The following TMOD2 variants were observed in gnomAD, a reference collection of about 807,000 sequenced individuals.
TMOD2 encodes tropomodulin-2.
In TMOD2, 22 loss-of-function variants were observed where a neutral mutation model predicts 39.9. That is an observed-to-expected ratio of 0.55 (90% confidence interval 0.39 to 0.79). The LOEUF (loss-of-function observed/expected upper bound fraction) is 0.79, where lower values mean the gene tolerates loss of function less well. Ranked by LOEUF, TMOD2 falls within the 30% of genes least tolerant of loss-of-function variation. The pLI is 0.00. For synonymous variants in TMOD2, 123 were observed against 146.1 expected (o/e 0.84, Z 1.14); for missense variants, 386 against 413.3 (o/e 0.93, Z 0.57).
At chr15:51,799,383 A>T (rs913084341) in intron 8 of TMOD2, among the ~76,000 whole-genome samples, 6 of 152,132 alleles carry the variant, frequency 3.9e-5, no homozygotes, top group Non-Finnish European at 7.4e-5. Flanking sequence ...GCCATCCAGG[A>T]CTGTTGCCTA....
intron 1 of TMOD2, among the ~76,000 whole-genome samples, chr15:51,755,311 C>G (rs1241192589): frequency 1.3e-5 from 2 of 152,218 alleles, no homozygotes; most frequent in Non-Finnish European, 2.9e-5. Flanking sequence ...GCACAACCTT[C>G]CTTAAAGCTG....
Position 51,763,077 on chromosome 15 carries a change from G to T in TMOD2, c.-69-3296G>T, listed in dbSNP as rs113090313. Reference sequence around the variant, plus strand: ...AACCTCCCGAATAACTGGGACTACAGGCATGTGCCACCATGCCCAGCTAAT... The same window carrying T: ...AACCTCCCGAATAACTGGGACTACATGCATGTGCCACCATGCCCAGCTAAT... On this transcript the variant is annotated intron_variant, in intron 1 of 9. Coordinates refer to ENST00000249700, the MANE Select transcript of TMOD2 (RefSeq NM_014548.4). Among the ~76,000 whole-genome samples, 758 of 150,960 alleles carry T rather than the reference G, an allele frequency of 5.0e-3. 10 individuals carry two copies. Among genetic ancestry groups the T allele is most frequent in the African/African-American group, 0.018 (723 of 40,952 alleles).
intron 1 of TMOD2, among the ~76,000 whole-genome samples, chr15:51,757,261 G>C (rs1486828275): frequency 6.6e-6 from 1 of 151,976 alleles, no homozygotes; most frequent in African/African-American, 2.4e-5. Context: ...AATTAGCTGG[G>C]CGTGGTGGCG....
chr15:51,761,309 A>G (rs925906592), intron 1 of TMOD2, among the ~76,000 whole-genome samples: 1 of 152,190 alleles, frequency 6.6e-6, no homozygotes, highest in Non-Finnish European at 1.5e-5. Context: ...CTCAGAAAAA[A>G]AAGTGGGAGA....
chr15:51,808,745 G>A lies in TMOD2; in HGVS notation c.*291G>A. 3.4e-6 allele frequency: 1 copy of A among 293,530 alleles called. No individual in the cohort carries two copies. The highest frequency in any genetic ancestry group is 6.4e-6 in the Non-Finnish European group (1 of 156,822). The allele number at this position is 293,530 out of a possible 1,614,324, so 18.2% of individuals were successfully genotyped here. On this transcript the variant is annotated 3_prime_UTR_variant, in exon 10 of 10. Transcript: ENST00000249700. Reference sequence around the variant, plus strand: ...AATTTAACCACTTTCTTATTGGGTTGTCTTGCTTTCTTACATGAACTTGTT... The same window carrying A: ...AATTTAACCACTTTCTTATTGGGTTATCTTGCTTTCTTACATGAACTTGTT...
chr15:51,755,189 G>A (rs895717671), intron 1 of TMOD2, among the ~76,000 whole-genome samples: 10 of 152,052 alleles, frequency 6.6e-5, no homozygotes, highest in African/African-American at 1.9e-4. Context: ...TTAAGGCTTC[G>A]TGGTTGTGTA....
At chr15:51,774,709 G>A (rs551558245) in intron 4 of TMOD2, among the ~76,000 whole-genome samples, 4 of 152,158 alleles carry the variant, frequency 2.6e-5, no homozygotes, top group East Asian at 1.9e-4. Context: ...AGGCGATGGC[G>A]TCACCTGGTA....
Position 51,808,483 on chromosome 15 carries a change from T to G in TMOD2, c.*29T>G. On this transcript the variant is annotated 3_prime_UTR_variant, in exon 10 of 10. Coordinates refer to ENST00000249700, the MANE Select transcript of TMOD2 (RefSeq NM_014548.4). ...TCCTTGAGGAGAAGTGAAGTTTCACTGTGGTATGGCCATTGAAAAACAAAA... is the reference window on the plus strand; with the variant it reads ...TCCTTGAGGAGAAGTGAAGTTTCACGGTGGTATGGCCATTGAAAAACAAAA... 6.2e-7 allele frequency: 1 copy of G among 1,605,926 alleles called. No homozygotes were observed. Among genetic ancestry groups the G allele is most frequent in the Middle Eastern group, 1.7e-4 (1 of 6,042 alleles).
At chr15:51,763,006 GCT>G (rs2055791723) in intron 1 of TMOD2, among the ~76,000 whole-genome samples, 1 of 152,058 alleles carries the variant, frequency 6.6e-6, no homozygotes, top group African/African-American at 2.4e-5. Flanking sequence ...TGCAATCATA[GCT>G]CACTGCATCC....
chr15:51,808,272 C>A, intron 9 of TMOD2, 148 bp from the exon 10 acceptor site: 1 of 558,468 alleles, frequency 1.8e-6, no homozygotes, highest in Non-Finnish European at 3.2e-6. Flanking sequence ...TTATCATTTC[C>A]ATTGATTGTC....
Position 51,781,162 on chromosome 15 carries a change from C to T in TMOD2, c.612C>T (p.Leu204=). 1 of 1,607,230 alleles carries T rather than the reference C, an allele frequency of 6.2e-7. No homozygotes were observed. Among genetic ancestry groups the T allele is most frequent in the Non-Finnish European group, 8.5e-7 (1 of 1,178,380 alleles). ...ATCCTAGCTTGCAAGAAGTCAACCT[C>T]AACAACATTAAGGTATTTCATTGTG... The part of the protein sequence containing the change: ...ANDPSLQEVN[L]NNIKNIPIPT... Residue 204 remains leucine, a synonymous_variant, in exon 6 of 10, where the codon CTC becomes CTT. Transcript: ENST00000249700.
intron 3 of TMOD2, among the ~76,000 whole-genome samples, chr15:51,769,607 T>C (rs2055839906): frequency 6.6e-6 from 1 of 152,202 alleles, no homozygotes; most frequent in African/African-American, 2.4e-5. Flanking sequence ...CCCGACCCTG[T>C]GCTCCCCTTG....
At chr15:51,778,507 T>TAA (rs34176952) in intron 5 of TMOD2, among the ~76,000 whole-genome samples, 47 of 138,928 alleles carry the variant, frequency 3.4e-4, no homozygotes, top group South Asian at 1.4e-3. Context: ...AATTAAAAAT[T>TAA]AAAAAAAAAA....
At chr15:51,769,633 A>G (rs1208145167) in intron 3 of TMOD2, among the ~76,000 whole-genome samples, 1 of 152,204 alleles carries the variant, frequency 6.6e-6, no homozygotes, top group Non-Finnish European at 1.5e-5. Flanking sequence ...AAGAGTGACT[A>G]TCAATAGCCT....
At chr15:51,772,467 T>C (rs1416283921) in intron 3 of TMOD2, among the ~76,000 whole-genome samples, 3 of 152,274 alleles carry the variant, frequency 2.0e-5, no homozygotes, top group African/African-American at 7.2e-5. Flanking sequence ...AACTGTGCCA[T>C]CCTCCTGGGT....
chr15:51,807,691 A>G (rs2056129737), intron 9 of TMOD2, among the ~76,000 whole-genome samples: 1 of 152,204 alleles, frequency 6.6e-6, no homozygotes, highest in African/African-American at 2.4e-5. Flanking sequence ...GCAAGAGCCT[A>G]GGTAGGAGCT....
At chr15:51,789,652 C>A (rs1313296356) in intron 7 of TMOD2, among the ~76,000 whole-genome samples, 2 of 152,198 alleles carry the variant, frequency 1.3e-5, no homozygotes, top group Non-Finnish European at 2.9e-5. Context: ...GAAATCACAA[C>A]AAACTGTCTC....
At position 51,808,441 on chromosome 15, in the gene TMOD2, C is replaced by A; in HGVS notation, c.1043C>A (p.Ala348Glu). 1 of 1,612,602 alleles carries A rather than the reference C, an allele frequency of 6.2e-7. No individual in the cohort carries two copies. The highest frequency in any genetic ancestry group is 8.5e-7 in the Non-Finnish European group (1 of 1,179,244). The stretch of plus-strand genomic sequence containing the variant: ...CTAGTTCGTAAGAAGAGAGTTGAAG[C>A]AGACCGAAGGTAAACTTCCTTGAGG... ...NDLVRKKRVE[A>E]DRR The change falls in exon 10 of 10, where the codon GCA becomes GAA. Residue 348 changes from alanine to glutamate, a missense_variant. By Grantham distance (107) the Ala-to-Glu change is moderately radical (BLOSUM62 -1). Transcript: ENST00000249700.
At chr15:51,805,927 ATAAG>A (rs1318131610) in intron 8 of TMOD2, among the ~76,000 whole-genome samples, 16 of 152,262 alleles carry the variant, frequency 1.1e-4, no homozygotes, top group East Asian at 1.9e-4. Context: ...TTTTACCACA[ATAAG>A]TAAGTAAGAA....
Sources: gnomAD v4.1 joint callset for allele counts (sites outside exome capture counted in the v4.1 genomes callset) on GRCh38, gnomAD v4.1.1 for gene constraint, MANE v1.5 for transcripts, NCBI Gene and HGNC (gene_info 2026-07-23, HGNC 2026-07-21) for gene names.